TEX11: variants seen among roughly 807,000 people sequenced by gnomAD.
TEX11 encodes testis-expressed protein 11.
In TEX11, 7 loss-of-function variants were observed where a neutral mutation model predicts 84.4. That is an observed-to-expected ratio of 0.08 (90% CI 0.05 to 0.16). The LOEUF (loss-of-function observed/expected upper bound fraction) is 0.16, where lower values mean the gene tolerates loss of function less well. TEX11 is among the 10% of genes least tolerant of loss of function. The pLI, the probability that TEX11 is intolerant of heterozygous loss-of-function variation, is 1.00. For synonymous variants in TEX11, 264 were observed against 222.8 expected (o/e 1.18, Z -1.64); for missense variants, 551 against 660.5 (o/e 0.83, Z 1.82).
At chrX:70,596,494 A>T (rs1296375186) in intron 24 of TEX11, among the ~76,000 whole-genome samples, 2 of 111,661 alleles carry the variant, frequency 1.8e-5, no homozygotes. Context: ...AATTTGGGAA[A>T]TTCACAAATA....
chrX:70,657,625 C>T (rs113353962), intron 16 of TEX11, among the ~76,000 whole-genome samples: 9,396 of 109,337 alleles, frequency 0.086, 924 homozygotes, highest in African/African-American at 0.27. Context: ...CACATGCACA[C>T]GTATGTTTAT....
chrX:70,746,938 T>G (rs779377397), intron 9 of TEX11, among the ~76,000 whole-genome samples: 1 of 112,240 alleles, frequency 8.9e-6, no homozygotes, highest in South Asian at 3.7e-4. Flanking sequence ...ACCCAAGGCA[T>G]AAACAGATCT....
At chrX:70,760,057 G>C (rs189479217) in intron 9 of TEX11, among the ~76,000 whole-genome samples, 104 of 111,469 alleles carry the variant, frequency 9.3e-4, no homozygotes, top group Middle Eastern at 4.6e-3. Flanking sequence ...CAACTAACAA[G>C]GGATGTGAAG....
At chrX:70,629,471 T>G in intron 18 of TEX11, 140 bp downstream of exon 18, 1 of 657,635 alleles carries the variant, frequency 1.5e-6, no homozygotes, top group Non-Finnish European at 2.3e-6. Flanking sequence ...AAAGCAGTTC[T>G]GCAACCAAGT....
rs763024036 is a variant in TEX11 at position 70,897,608 on chromosome X, A to AAAGGGAGGAAGGAAGGAAGGAAGGAAGG, written c.37+10144_37+10145insCCTTCCTTCCTTCCTTCCTTCCTCCCTT. On this transcript the variant is annotated intron_variant, in intron 2 of 29. Transcript: ENST00000374333. ...CCATCTAAGGAAAGAAAGAAAGAAA[A>AAAGGGAGGAAGGAAGGAAGGAAGGAAGG]AAGGAAGGAAGGAAGGAAGGAAGGA... 20 of 53,849 alleles carry AAAGGGAGGAAGGAAGGAAGGAAGGAAGG rather than the reference A, an allele frequency of 3.7e-4. 3 individuals are homozygous for AAAGGGAGGAAGGAAGGAAGGAAGGAAGG. The highest frequency in any genetic ancestry group is 9.6e-3 in the Middle Eastern group (1 of 104). 4.4% of individuals were successfully genotyped at this position (53,849 alleles called of 1,213,427 possible).
intron 16 of TEX11, among the ~76,000 whole-genome samples, chrX:70,653,830 A>G (rs952104681): frequency 3.6e-5 from 4 of 112,255 alleles, no homozygotes; most frequent in African/African-American, 1.3e-4. Context: ...TAATATATCC[A>G]GATAGTGAAA....
chrX:70,639,029 ACAGTGGGCGCAGGT>A (rs2089610919), intron 17 of TEX11, among the ~76,000 whole-genome samples: 1 of 110,170 alleles, frequency 9.1e-6, no homozygotes, highest in Admixed American at 9.7e-5. Flanking sequence ...GGAGTGCCAG[ACAGTGGGCGCAGGT>A]CAGTGGGTGC....
intron 15 of TEX11, among the ~76,000 whole-genome samples, chrX:70,671,232 A>G (rs2090019514): frequency 9.0e-6 from 1 of 111,624 alleles, no homozygotes; most frequent in African/African-American, 3.2e-5. Flanking sequence ...AACCTGGATA[A>G]TTATTTCTTA....
intron 2 of TEX11, among the ~76,000 whole-genome samples, chrX:70,882,027 CA>C (rs61563153): frequency 0.23 from 9,357 of 41,453 alleles, 471 homozygotes; most frequent in Middle Eastern, 0.42. Context: ...GACTCCATCT[CA>C]AAAAAAAAAA....
intron 11 of TEX11, among the ~76,000 whole-genome samples, chrX:70,733,062 A>T (rs778690763): frequency 6.3e-5 from 7 of 111,964 alleles, no homozygotes; most frequent in Admixed American, 9.5e-5. Flanking sequence ...AAGGATTCCC[A>T]ATTTAATAAA....
At chrX:70,580,440 A>G (rs974765265) in intron 25 of TEX11, among the ~76,000 whole-genome samples, 13 of 112,192 alleles carry the variant, frequency 1.2e-4, no homozygotes, top group Non-Finnish European at 1.9e-5. Context: ...TAACTAAAAG[A>G]GTATAATTGG....
chrX:70,772,762 A>G (rs1459407271), intron 9 of TEX11, among the ~76,000 whole-genome samples: 1 of 110,703 alleles, frequency 9.0e-6, no homozygotes, highest in East Asian at 2.8e-4. Context: ...GAAAATATAT[A>G]AGCAAAATAA....
At chrX:70,724,517 A>G (rs2090584686) in intron 12 of TEX11, among the ~76,000 whole-genome samples, 2 of 111,876 alleles carry the variant, frequency 1.8e-5, no homozygotes, top group Admixed American at 1.9e-4. Context: ...GCTCTTAAAG[A>G]TTACTGAAAA....
chrX:70,516,165 C>T, the TEX11 span, among the ~76,000 whole-genome samples: 2 of 109,153 alleles, frequency 1.8e-5, no homozygotes, highest in Admixed American at 2.0e-4. Flanking sequence ...GTTGCCATTG[C>T]TTTTGGTGTT....
chrX:70,609,053 C>A lies in TEX11; in HGVS notation c.1879+38G>T, dbSNP rs375485063. 39 of 1,093,137 alleles carry A rather than the reference C, an allele frequency of 3.6e-5. No individual in the cohort carries two copies. The African/African-American group carries it at 5.1e-4, about 14-fold the overall frequency. 90.1% of individuals were successfully genotyped at this position (1,093,137 alleles called of 1,213,427 possible). A position where few individuals can be genotyped will look rare whatever the true frequency, so the allele number is the denominator to read the frequency against. ...AATCACATCTGTCTAATTCCACCAC[C>A]CCACAATGTTTCCCAGAGCCACAGA... On this transcript the variant is annotated intron_variant, in intron 22 of 29. Transcript: ENST00000374333.
At chrX:70,635,763 G>A (rs1302262086) in intron 17 of TEX11, among the ~76,000 whole-genome samples, 1 of 110,168 alleles carries the variant, frequency 9.1e-6, no homozygotes, top group African/African-American at 3.3e-5. Context: ...CCTACTCAGT[G>A]CCAGGCCAGC....
At chrX:70,857,593 T>A (rs1190155955) in intron 5 of TEX11, 2 of 278,149 alleles carry the variant, frequency 7.2e-6, no homozygotes, top group African/African-American at 2.8e-5. Flanking sequence ...CTCAAAATGG[T>A]TCAAGTGAGT....
At chrX:70,685,349 G>C (rs2065747858) in intron 13 of TEX11, among the ~76,000 whole-genome samples, 1 of 111,863 alleles carries the variant, frequency 8.9e-6, no homozygotes, top group African/African-American at 3.2e-5. Context: ...TTGGGTGTTG[G>C]AGTGAGACTC....
intron 23 of TEX11, 49 bp from the exon 24 acceptor site, chrX:70,605,566 G>A: frequency 2.3e-6 from 2 of 878,197 alleles, no homozygotes; most frequent in Non-Finnish European, 3.3e-6. Context: ...ATTCTGCCAG[G>A]TGAACACAAA....
Sources: allele counts gnomAD v4.1 joint callset (sites outside exome capture counted in the v4.1 genomes callset), GRCh38; gene constraint gnomAD v4.1.1; transcripts MANE v1.5; gene names NCBI Gene and HGNC (gene_info 2026-07-23, HGNC 2026-07-21).